The following PTAR1 variants were observed in gnomAD, a reference collection of about 807,000 sequenced individuals.
PTAR1 encodes the protein protein prenyltransferase alpha subunit repeat containing 1.
PTAR1 carries 17 observed loss-of-function variants against 45.5 expected under a neutral mutation model. That is an observed-to-expected ratio of 0.37 (90% CI 0.26 to 0.56). The LOEUF (loss-of-function observed/expected upper bound fraction) is 0.56, where lower values mean the gene tolerates loss of function less well. PTAR1 is among the 20% of genes least tolerant of loss of function. PTAR1 has a pLI of 0.77. For missense variants in PTAR1, 391 were observed against 476.3 expected (o/e 0.82, Z 1.67); for synonymous variants, 169 against 171.3 (o/e 0.99, Z 0.11).
At position 69,732,277 on chromosome 9, in the gene PTAR1, A is replaced by C; in HGVS notation, c.504T>G (p.Ile168Met). 6.2e-6 allele frequency: 10 copies of C among 1,613,888 alleles called. No individual in the cohort carries two copies. Among genetic ancestry groups the C allele is most frequent in the Non-Finnish European group, 8.5e-6 (10 of 1,179,800 alleles). Residue 168 changes from isoleucine (I) to methionine (M), a missense_variant, in exon 5 of 8, where the codon ATT becomes ATG. Transcript: ENST00000340434. Reference protein sequence around the residue: ...SFVTKGNLGTIPTERAQRLIQ... With the variant: ...SFVTKGNLGTMPTERAQRLIQ... ...TGAGTCGCTGTGCCCTTTCTGTGGG[A>C]ATTGTTCCCAAGTTTCCTTTGGTCA... is the stretch of plus-strand genomic sequence containing the variant.
Position 69,718,662 on chromosome 9 carries a change from G to A in PTAR1, c.970C>T (p.His324Tyr). The A allele has an allele frequency of 1.3e-6, 2 of 1,582,502 alleles. No individual in the cohort carries two copies. Among genetic ancestry groups the A allele is most frequent in the Non-Finnish European group, 1.7e-6 (2 of 1,162,888 alleles). Residue 324 changes from histidine (H) to tyrosine (Y), a missense_variant, in exon 7 of 8, where the codon CAT becomes TAT. By Grantham distance (83) the His-to-Tyr change is moderately conservative (BLOSUM62 2). Transcript: ENST00000340434. ...CHRRHIFYLQ[H>Y]HLNAGSQLSQ... Reference sequence around the variant, plus strand: ...TGAGGAAACCTACCATTTAAGTGATGCTGAAGGTAGAAAATATGCCGCCTG... The same window carrying A: ...TGAGGAAACCTACCATTTAAGTGATACTGAAGGTAGAAAATATGCCGCCTG...
At chr9:69,751,327 T>C (rs1195883104) in intron 1 of PTAR1, among the ~76,000 whole-genome samples, 1 of 151,300 alleles carries the variant, frequency 6.6e-6, no homozygotes, top group Non-Finnish European at 1.5e-5. Flanking sequence ...TAAATGTTTA[T>C]CAATATAAGA....
At chr9:69,753,246 G>C (rs1026556689) in intron 1 of PTAR1, among the ~76,000 whole-genome samples, 1 of 151,940 alleles carries the variant, frequency 6.6e-6, no homozygotes, top group African/African-American at 2.4e-5. Context: ...CTACAGAAAA[G>C]AGCCATCTGC....
rs1347840003 is a variant in PTAR1 at position 69,710,134 on chromosome 9, C to G, written c.*8208G>C. 3 of 152,052 alleles carry G rather than the reference C, an allele frequency of 2.0e-5. No homozygotes were observed. The highest frequency in any genetic ancestry group is 2.9e-5 in the Non-Finnish European group (2 of 67,964). The allele number at this position is 152,052 out of a possible 1,614,324, so 9.4% of individuals were successfully genotyped here. A position where few individuals can be genotyped will look rare whatever the true frequency, so the allele number is the denominator to read the frequency against. ...TCCAAAGTTAAAGTCATATTTTATA[C>G]TCTATGAATCTGTACTGTCCAGTAT... On this transcript the variant is annotated 3_prime_UTR_variant, in exon 8 of 8. Coordinates refer to ENST00000340434, the MANE Select transcript of PTAR1 (RefSeq NM_001099666.2).
At chr9:69,755,340 T>A (rs140922930) in intron 1 of PTAR1, among the ~76,000 whole-genome samples, 109 of 152,290 alleles carry the variant, frequency 7.2e-4, no homozygotes, top group African/African-American at 2.3e-3. Flanking sequence ...ACAATAGGGA[T>A]CCATTCATTG....
intron 2 of PTAR1, among the ~76,000 whole-genome samples, chr9:69,745,215 T>C (rs1360608737): frequency 6.6e-6 from 1 of 152,210 alleles, no homozygotes; most frequent in Non-Finnish European, 1.5e-5. Context: ...TTAGTAAAAC[T>C]GTCTAAATTT....
intron 3 of PTAR1, among the ~76,000 whole-genome samples, chr9:69,737,245 A>G (rs1437123577): frequency 1.3e-5 from 2 of 151,796 alleles, no homozygotes; most frequent in Non-Finnish European, 1.5e-5. Flanking sequence ...ACGTCTAGCT[A>G]ATTTTTTGTA....
Position 69,732,284 on chromosome 9 carries a change from C to G in PTAR1, c.497G>C (p.Gly166Ala). Residue 166 changes from glycine to alanine, a missense_variant, in exon 5 of 8, where the codon GGA becomes GCA. Gly to Ala is a moderately conservative substitution (Grantham distance 60, BLOSUM62 0). This residue lies in a region of PTAR1 where 46 missense variants were observed against 39.6 expected (regional missense o/e 1.16). Transcript: ENST00000340434. The stretch of plus-strand genomic sequence containing the variant: ...CTGTGCCCTTTCTGTGGGAATTGTT[C>G]CCAAGTTTCCTTTGGTCACAAAGGA... ...LPSFVTKGNL[G>A]TIPTERAQRL... 2 of 1,613,870 alleles carry G rather than the reference C, an allele frequency of 1.2e-6. No individual in the cohort carries two copies. The highest frequency in any genetic ancestry group is 1.7e-6 in the Non-Finnish European group (2 of 1,179,826).
rs370552747 is a variant in PTAR1 at position 69,735,348 on chromosome 9, A to T, written c.324-1094T>A. On this transcript the variant is annotated intron_variant, in intron 3 of 7. Transcript: ENST00000340434. Reference sequence around the variant, plus strand: ...CTACACACATCCTCCCATATACTTCATATCATCTCTAGATTACTTATAATA... The same window carrying T: ...CTACACACATCCTCCCATATACTTCTTATCATCTCTAGATTACTTATAATA... Among the ~76,000 whole-genome samples the T allele has an allele frequency of 5.9e-5, 9 of 152,292 alleles. No homozygotes were observed. In the South Asian group the frequency reaches 1.7e-3, roughly 28 times the overall value.
At position 69,721,210 on chromosome 9, in the gene PTAR1, GAGA is replaced by G. The variant is rs142639469; in HGVS notation, c.947+2113_947+2115del. Among the ~76,000 whole-genome samples the G allele has an allele frequency of 8.5e-3, 1,288 of 152,284 alleles. 17 individuals carry two copies. The highest frequency in any genetic ancestry group is 0.029 in the African/African-American group (1,193 of 41,542). The stretch of plus-strand genomic sequence containing the variant: ...AATATCAACATGAACAAAACTTTGA[GAGA>G]AGGTGATTCCAACCCTCATGGATGA... On this transcript the variant is annotated intron_variant, in intron 6 of 7. Transcript: ENST00000340434.
At chr9:69,720,522 C>A (rs1215054050) in intron 6 of PTAR1, among the ~76,000 whole-genome samples, 1 of 152,212 alleles carries the variant, frequency 6.6e-6, no homozygotes, top group Non-Finnish European at 1.5e-5. Flanking sequence ...GTAGAAGCTG[C>A]AGCAAGGTAT....
chr9:69,748,873 C>T (rs1285525229), intron 2 of PTAR1, among the ~76,000 whole-genome samples: 1 of 152,010 alleles, frequency 6.6e-6, no homozygotes, highest in Non-Finnish European at 1.5e-5. Context: ...ACTGATAATA[C>T]AATATATAAC....
intron 2 of PTAR1, among the ~76,000 whole-genome samples, chr9:69,742,227 C>T (rs762368620): frequency 5.3e-5 from 8 of 152,046 alleles, no homozygotes; most frequent in Non-Finnish European, 7.4e-5. Flanking sequence ...CAAGTATTGA[C>T]GGTGTGTGCG....
At chr9:69,749,487 C>G (rs1826429816) in intron 2 of PTAR1, among the ~76,000 whole-genome samples, 1 of 152,036 alleles carries the variant, frequency 6.6e-6, no homozygotes, top group South Asian at 2.1e-4. Flanking sequence ...ACTTGCTTAC[C>G]TTTAAGTTTA....
intron 2 of PTAR1, among the ~76,000 whole-genome samples, chr9:69,746,758 AAGG>A (rs912202730): frequency 6.6e-6 from 1 of 152,224 alleles, no homozygotes; most frequent in African/African-American, 2.4e-5. Flanking sequence ...CAGCTATAAC[AAGG>A]AGAAGATAAA....
chr9:69,724,686 A>G (rs1235920035), intron 5 of PTAR1, among the ~76,000 whole-genome samples: 2 of 152,170 alleles, frequency 1.3e-5, no homozygotes, highest in Admixed American at 6.5e-5. Flanking sequence ...CACATTTATT[A>G]AAGAATTTCA....
At chr9:69,726,413 T>C (rs1825281278) in intron 5 of PTAR1, among the ~76,000 whole-genome samples, 2 of 152,236 alleles carry the variant, frequency 1.3e-5, no homozygotes, top group South Asian at 4.1e-4. Flanking sequence ...ACCATTCCTG[T>C]GTTTGTTTCT....
intron 1 of PTAR1, among the ~76,000 whole-genome samples, chr9:69,752,120 T>C (rs1033862458): frequency 3.3e-5 from 5 of 152,120 alleles, no homozygotes; most frequent in Admixed American, 6.6e-5. Flanking sequence ...AGTGTCTATA[T>C]AGATATTTTA....
chr9:69,722,606 T>C (rs1255995878), intron 6 of PTAR1, among the ~76,000 whole-genome samples: 1 of 151,624 alleles, frequency 6.6e-6, no homozygotes, highest in Non-Finnish European at 1.5e-5. Context: ...ATCTCAATCC[T>C]GACTGTGCAT....
Sources: gnomAD v4.1 joint callset for allele counts (sites outside exome capture counted in the v4.1 genomes callset) on GRCh38, gnomAD v4.1.1 for gene constraint, gnomAD v4.1.1 regional missense constraint, MANE v1.5 for transcripts, NCBI Gene and HGNC (gene_info 2026-07-23, HGNC 2026-07-21) for gene names.